SPMIP11: variants seen among roughly 807,000 people sequenced by gnomAD.
The protein encoded by SPMIP11 is long intergenic non-protein coding RNA 935.
chr12:48,753,511 A>G, the SPMIP11 span, among the ~76,000 whole-genome samples: 2 of 152,100 alleles, frequency 1.3e-5, no homozygotes, highest in Admixed American at 1.3e-4. Context: ...GGATCCTGTT[A>G]GAGGACACAA....
chr12:48,747,407 A>G, the SPMIP11 span, among the ~76,000 whole-genome samples: 2 of 152,208 alleles, frequency 1.3e-5, no homozygotes, highest in Non-Finnish European at 2.9e-5. Flanking sequence ...GAGCAGATTC[A>G]AAATTGAGAA....
chr12:48,764,131 C>T, the SPMIP11 span, among the ~76,000 whole-genome samples: 2 of 151,698 alleles, frequency 1.3e-5, no homozygotes, highest in African/African-American at 4.8e-5. Context: ...TACAGGCATG[C>T]ACCACCACGC....
the SPMIP11 span, among the ~76,000 whole-genome samples, chr12:48,747,222 C>T: frequency 6.6e-6 from 1 of 151,966 alleles, no homozygotes. Flanking sequence ...AAACTGGGCT[C>T]AAGTGATCCT....
the SPMIP11 span, among the ~76,000 whole-genome samples, chr12:48,742,987 G>T: frequency 6.6e-6 from 1 of 152,122 alleles, no homozygotes; most frequent in Non-Finnish European, 1.5e-5. Context: ...AGTGGCTCAC[G>T]CCTATAATCC....
the SPMIP11 span, among the ~76,000 whole-genome samples, chr12:48,736,536 T>C: frequency 6.6e-6 from 1 of 152,164 alleles, no homozygotes; most frequent in African/African-American, 2.4e-5. Flanking sequence ...TGATATTTTT[T>C]CAATCACTCA....
chr12:48,739,942 C>T, the SPMIP11 span, among the ~76,000 whole-genome samples: 49,377 of 151,990 alleles, frequency 0.32, 8,735 homozygotes, highest in East Asian at 0.76. Flanking sequence ...ACTTAGGTAA[C>T]AACATTCTTT....
chr12:48,761,700 A>G, the SPMIP11 span, among the ~76,000 whole-genome samples: 1 of 146,042 alleles, frequency 6.8e-6, no homozygotes, highest in African/African-American at 2.5e-5. Flanking sequence ...ATAGCGTATG[A>G]TGCCATTTAT....
the SPMIP11 span, chr12:48,764,887 C>T: frequency 1.4e-6 from 1 of 702,966 alleles, no homozygotes; most frequent in Admixed American, 2.0e-5. Flanking sequence ...TTGACTGATG[C>T]TCAGAACTTC....
the SPMIP11 span, chr12:48,759,332 G>C: frequency 4.3e-6 from 3 of 702,846 alleles, no homozygotes; most frequent in Non-Finnish European, 7.8e-6. Context: ...TTGAAGACGT[G>C]TAAGTACCTT....
At chr12:48,750,204 T>C in the SPMIP11 span, among the ~76,000 whole-genome samples, 3 of 152,000 alleles carry the variant, frequency 2.0e-5, no homozygotes, top group African/African-American at 7.2e-5. Flanking sequence ...ATCAAAAAAA[T>C]TGGCTGGGCA....
At chr12:48,769,126 C>T in the SPMIP11 span, 11 of 1,417,996 alleles carry the variant, frequency 7.8e-6, no homozygotes, top group African/African-American at 2.9e-5. Flanking sequence ...AGTCATCCCA[C>T]CTCCTGGCAC....
chr12:48,729,258 G>A, the SPMIP11 span, among the ~76,000 whole-genome samples: 14 of 152,140 alleles, frequency 9.2e-5, no homozygotes, highest in African/African-American at 1.9e-4. Flanking sequence ...AAAAAGAGCC[G>A]GGCGCGGTGG....
At chr12:48,765,837 T>A in the SPMIP11 span, 1 of 594,122 alleles carries the variant, frequency 1.7e-6, no homozygotes, top group African/African-American at 1.9e-5. Context: ...ATGGGAGTGA[T>A]TCCAGTGTCC....
At chr12:48,757,374 G>A in the SPMIP11 span, among the ~76,000 whole-genome samples, 1 of 152,064 alleles carries the variant, frequency 6.6e-6, no homozygotes, top group South Asian at 2.1e-4. Context: ...TTGGCTGGGC[G>A]CAGTGCCTCA....
At chr12:48,731,494 A>G in the SPMIP11 span, among the ~76,000 whole-genome samples, 1 of 152,126 alleles carries the variant, frequency 6.6e-6, no homozygotes, top group East Asian at 1.9e-4. Flanking sequence ...CCATCTCAAA[A>G]AAAAAAAAAG....
chr12:48,759,359 T>C, the SPMIP11 span: 1 of 701,594 alleles, frequency 1.4e-6, no homozygotes, highest in Non-Finnish European at 2.6e-6. Flanking sequence ...GGCATCATGC[T>C]AGGAGAAAAA....
At chr12:48,770,374 C>A in the SPMIP11 span, among the ~76,000 whole-genome samples, 1 of 152,108 alleles carries the variant, frequency 6.6e-6, no homozygotes, top group Non-Finnish European at 1.5e-5. Flanking sequence ...TTAACCACTC[C>A]CATCCACCAG....
the SPMIP11 span, chr12:48,768,605 C>A: frequency 2.5e-6 from 4 of 1,613,960 alleles, no homozygotes; most frequent in African/African-American, 1.3e-5. Context: ...CTGCTGGGGC[C>A]CCCATTGAGG....
At chr12:48,742,906 T>G in the SPMIP11 span, among the ~76,000 whole-genome samples, 2 of 151,764 alleles carry the variant, frequency 1.3e-5, no homozygotes, top group Non-Finnish European at 2.9e-5. Flanking sequence ...TAAATAAAAA[T>G]AAAAGAAAAG....
Sources: allele counts gnomAD v4.1 joint callset (sites outside exome capture counted in the v4.1 genomes callset), GRCh38; gene constraint gnomAD v4.1.1; transcripts MANE v1.5; gene names NCBI Gene and HGNC (gene_info 2026-07-23, HGNC 2026-07-21).